The following EXT1 variants were observed in gnomAD, a reference collection of about 807,000 sequenced individuals.
The protein encoded by EXT1 is exostosin glycosyltransferase 1.
In EXT1, 20 loss-of-function variants were observed where a neutral mutation model predicts 82.5. The observed-to-expected ratio is 0.24, with a 90% CI of 0.17 to 0.35. EXT1 has a LOEUF of 0.35. Ranked by LOEUF, EXT1 falls within the 10% of genes least tolerant of loss-of-function variation. The probability of loss-of-function intolerance (pLI) is 1.00; values close to 1 mark genes in which losing one functional copy is unlikely to be tolerated. For synonymous variants in EXT1, 348 were observed against 350.8 expected (o/e 0.99, Z 0.09); for missense variants, 757 against 936.5 (o/e 0.81, Z 2.50).
In EXT1 at chr8:117,830,318, T is replaced by A. The variant is rs1275929525; in HGVS notation, c.1196A>T (p.Asp399Val). 7 of 1,613,976 alleles carry A rather than the reference T, an allele frequency of 4.3e-6. No individual in the cohort carries two copies. Among genetic ancestry groups the A allele is most frequent in the East Asian group, 4.5e-5 (2 of 44,870 alleles). ...IPSTIRSIHQ[D>V]KILALRQQTQ... is the part of the protein sequence containing the mutation. The stretch of plus-strand genomic sequence containing the variant: ...CTGCTGTCTAAGTGCTAGGATTTTA[T>A]CCTGATGAATAGACCTGATTGTAGA... Residue 399 changes from aspartate (D) to valine (V), a missense_variant, in exon 4 of 11, where the codon GAT becomes GTT. By Grantham distance (152) the Asp-to-Val change is radical. Transcript: ENST00000378204.
At chr8:117,952,239 A>G (rs895102000) in intron 1 of EXT1, among the ~76,000 whole-genome samples, 85 of 152,348 alleles carry the variant, frequency 5.6e-4, no homozygotes, top group African/African-American at 1.9e-3. Context: ...TAGCATACAC[A>G]TTACTGGTAT....
chr8:118,012,695 A>G (rs1023618075), intron 1 of EXT1, among the ~76,000 whole-genome samples: 10 of 152,162 alleles, frequency 6.6e-5, no homozygotes, highest in African/African-American at 1.9e-4. Context: ...GATAAAAATA[A>G]CTACCTCTCA....
intron 1 of EXT1, among the ~76,000 whole-genome samples, chr8:118,065,522 C>T (rs1242440358): frequency 2.0e-5 from 3 of 152,150 alleles, no homozygotes; most frequent in Admixed American, 6.5e-5. Context: ...TCTTCTTTTT[C>T]GTCTGGTTGC....
rs774050402 is a variant in EXT1, at chr8:118,110,115, C to A, written c.932G>T (p.Arg311Leu). Residue 311 changes from arginine (R) to leucine (L), a missense_variant, in exon 1 of 11, where the codon CGC (arginine) becomes CTC (leucine). Around this residue, in one of 4 missense-constraint regions of EXT1, gnomAD observed 247 missense variants for 330.1 expected, o/e 0.75. Coordinates refer to ENST00000378204, the MANE Select transcript of EXT1 (RefSeq NM_000127.3). ...GKDWQKHKDS[R>L]CDRDNTEYEK... Reference sequence around the variant, plus strand: ...ATACTCGGTGTTGTCTCTGTCACAGCGAGAATCCTTGTGCTTTTGCCAGTC... The same window carrying A: ...ATACTCGGTGTTGTCTCTGTCACAGAGAGAATCCTTGTGCTTTTGCCAGTC... The A allele has an allele frequency of 6.2e-7, 1 of 1,614,188 alleles. No homozygotes were observed.
intron 4 of EXT1, among the ~76,000 whole-genome samples, chr8:117,824,324 C>T (rs917914334): frequency 4.6e-5 from 7 of 152,016 alleles, no homozygotes; most frequent in South Asian, 2.1e-4. Flanking sequence ...CTTTTTGGTT[C>T]GGCATCACAA....
chr8:117,888,648 C>T (rs1239803822), intron 1 of EXT1, among the ~76,000 whole-genome samples: 1 of 152,164 alleles, frequency 6.6e-6, no homozygotes, highest in African/African-American at 2.4e-5. Flanking sequence ...AACATGGCAT[C>T]TAAGGAAGCC....
At chr8:117,888,373 A>C (rs1813185479) in intron 1 of EXT1, among the ~76,000 whole-genome samples, 1 of 152,198 alleles carries the variant, frequency 6.6e-6, no homozygotes, top group Non-Finnish European at 1.5e-5. Flanking sequence ...TTGTGGATGG[A>C]GACAGCATGA....
chr8:117,845,939 A>T (rs568396641), intron 1 of EXT1, among the ~76,000 whole-genome samples: 2 of 152,188 alleles, frequency 1.3e-5, no homozygotes, highest in Non-Finnish European at 2.9e-5. Flanking sequence ...GGTTTGTGCA[A>T]GGAGGATGGG....
chr8:117,906,427 A>G (rs999498419), intron 1 of EXT1, among the ~76,000 whole-genome samples: 1 of 152,194 alleles, frequency 6.6e-6, no homozygotes, highest in Non-Finnish European at 1.5e-5. Flanking sequence ...TCAATTTAGG[A>G]ACCCTTAGAA....
At chr8:117,835,329 T>C (rs1030138279) in intron 3 of EXT1, 115 bp downstream of exon 3, 2 of 774,130 alleles carry the variant, frequency 2.6e-6, no homozygotes, top group African/African-American at 3.4e-5. Flanking sequence ...CAGGTAATTT[T>C]CTCCTGATAA....
At chr8:118,002,749 G>A (rs1815698731) in intron 1 of EXT1, among the ~76,000 whole-genome samples, 1 of 151,834 alleles carries the variant, frequency 6.6e-6, no homozygotes, top group Non-Finnish European at 1.5e-5. Flanking sequence ...AGCCAGGATG[G>A]TCTCGATTTC....
intron 1 of EXT1, among the ~76,000 whole-genome samples, chr8:118,059,089 T>C (rs1374597960): frequency 2.0e-5 from 3 of 152,236 alleles, no homozygotes; most frequent in Non-Finnish European, 4.4e-5. Context: ...GGGAGGACCC[T>C]AAACAGAAAT....
At chr8:117,927,810 T>C (rs1813980646) in intron 1 of EXT1, among the ~76,000 whole-genome samples, 1 of 152,216 alleles carries the variant, frequency 6.6e-6, no homozygotes, top group Non-Finnish European at 1.5e-5. Context: ...CTCTGCTGTG[T>C]CTTGAAATCC....
At chr8:118,058,423 C>G (rs1447646483) in intron 1 of EXT1, among the ~76,000 whole-genome samples, 1 of 152,124 alleles carries the variant, frequency 6.6e-6, no homozygotes, top group Non-Finnish European at 1.5e-5. Flanking sequence ...TCTAATAACT[C>G]TGTAGTCAAG....
chr8:117,837,722 A>G (rs1026213430), intron 1 of EXT1, among the ~76,000 whole-genome samples: 4 of 152,186 alleles, frequency 2.6e-5, no homozygotes, highest in Non-Finnish European at 4.4e-5. Context: ...TTCTACACTT[A>G]ACCAAGAACG....
intron 1 of EXT1, among the ~76,000 whole-genome samples, chr8:118,062,626 T>C (rs1465299701): frequency 6.6e-6 from 1 of 152,098 alleles, no homozygotes; most frequent in Non-Finnish European, 1.5e-5. Context: ...CAAGGAACAG[T>C]AGTGGCAGTA....
At chr8:117,945,498 G>GT (rs1335323040) in intron 1 of EXT1, among the ~76,000 whole-genome samples, 1 of 151,878 alleles carries the variant, frequency 6.6e-6, no homozygotes, top group Non-Finnish European at 1.5e-5. Context: ...GTGCTCTGTG[G>GT]TTTTTATTTT....
At position 118,022,595 on chromosome 8, in the gene EXT1, C is replaced by T. The variant is rs186859816; in HGVS notation, c.962+87490G>A. Among the ~76,000 whole-genome samples the T allele has an allele frequency of 3.2e-3, 486 of 151,190 alleles. 4 individuals are homozygous for T. Among genetic ancestry groups the T allele is most frequent in the African/African-American group, 0.011 (466 of 41,266 alleles). On this transcript the variant is annotated intron_variant, in intron 1 of 10. Transcript: ENST00000378204. The stretch of plus-strand genomic sequence containing the variant: ...TCAGGTGATCCACCTGCCTCGGACT[C>T]CCAAAGTGCTGGGATTACAGGCATG...
intron 1 of EXT1, among the ~76,000 whole-genome samples, chr8:117,973,886 G>GAAAGGAAAGAAAGA (rs747386364): frequency 1.6e-4 from 11 of 67,320 alleles, no homozygotes; most frequent in Non-Finnish European, 2.2e-4. Flanking sequence ...GAAAGGAAAG[G>GAAAGGAAAGAAAGA]AAGGAAAGGA....
Sources: allele counts gnomAD v4.1 joint callset (sites outside exome capture counted in the v4.1 genomes callset), GRCh38; gene constraint gnomAD v4.1.1; regional missense constraint gnomAD v4.1.1; transcripts MANE v1.5; gene names NCBI Gene and HGNC (gene_info 2026-07-23, HGNC 2026-07-21).